ZNF280D: variants seen among roughly 807,000 people sequenced by gnomAD.
The protein encoded by ZNF280D is zinc finger protein 280D.
In ZNF280D, 39 loss-of-function variants were observed where a neutral mutation model predicts 94.7. That is an observed-to-expected ratio of 0.41 (90% confidence interval 0.32 to 0.54). The LOEUF (loss-of-function observed/expected upper bound fraction) is 0.54. ZNF280D is among the 20% of genes least tolerant of loss of function. ZNF280D has a pLI of 0.22. For synonymous variants in ZNF280D, 398 were observed against 377.6 expected, an observed-to-expected ratio of 1.05 and a Z score of -0.63; for missense variants, 1,090 against 1,149.3, an observed-to-expected ratio of 0.95 and a Z score of 0.75.
At chr15:56,695,533 CT>C (rs10652553) in intron 6 of ZNF280D, among the ~76,000 whole-genome samples, 11 of 140,742 alleles carry the variant, frequency 7.8e-5, no homozygotes, top group African/African-American at 2.6e-4. Context: ...CAAAAATTAA[CT>C]TTTTTTTTTT....
chr15:56,648,920 C>A (rs571110367), intron 19 of ZNF280D, among the ~76,000 whole-genome samples: 1 of 152,034 alleles, frequency 6.6e-6, no homozygotes, highest in Non-Finnish European at 1.5e-5. Context: ...TCCTTAGGAC[C>A]AGTTCTATTT....
chr15:56,651,428 A>G (rs1186901194), intron 19 of ZNF280D, among the ~76,000 whole-genome samples: 1 of 152,224 alleles, frequency 6.6e-6, no homozygotes, highest in Non-Finnish European at 1.5e-5. Context: ...ATTGCTTACA[A>G]TAAGCAAACT....
intron 1 of ZNF280D, among the ~76,000 whole-genome samples, chr15:56,707,692 A>G (rs1363107756): frequency 2.0e-5 from 3 of 152,138 alleles, no homozygotes; most frequent in African/African-American, 7.2e-5. Context: ...AGAAAACACA[A>G]TTTTAAACAA....
intron 1 of ZNF280D, among the ~76,000 whole-genome samples, chr15:56,709,869 T>A (rs11071286): frequency 0.93 from 141,731 of 152,136 alleles, 66,320 homozygotes; most frequent in Middle Eastern, 1. Context: ...TGGGTGGGGG[T>A]AGAGGGGAGG....
At chr15:56,693,878 A>G (rs2056569460) in intron 6 of ZNF280D, among the ~76,000 whole-genome samples, 1 of 152,180 alleles carries the variant, frequency 6.6e-6, no homozygotes, top group Non-Finnish European at 1.5e-5. Context: ...TGGGCCCCAC[A>G]CACTTTCCAT....
chr15:56,726,660 G>T (rs1430821542), intron 1 of ZNF280D, among the ~76,000 whole-genome samples: 2 of 152,102 alleles, frequency 1.3e-5, no homozygotes, highest in African/African-American at 4.8e-5. Context: ...CTGCCTAAAA[G>T]AATAATACAA....
In ZNF280D at chr15:56,700,504, G is replaced by GA. The variant is rs570464397; in HGVS notation, c.381+428dup. On this transcript the variant is annotated intron_variant, in intron 6 of 21. Transcript: ENST00000267807. The stretch of plus-strand genomic sequence containing the variant: ...AAAAAGTGGGAGTTTTTTGTAATAG[G>GA]AAAAAATGTTTGTTTTTTTTTAACT... The GA allele has an allele frequency of 1.3e-5, 13 of 1,007,068 alleles. No homozygotes were observed. The East Asian group carries it at 1.0e-3, about 81-fold the overall frequency. 62.4% of individuals were successfully genotyped at this position (1,007,068 alleles called of 1,614,324 possible).
intron 1 of ZNF280D, among the ~76,000 whole-genome samples, chr15:56,726,134 C>A (rs2058621568): frequency 6.6e-6 from 1 of 151,586 alleles, no homozygotes; most frequent in South Asian, 2.1e-4. Context: ...AACAAAAAAA[C>A]TTTAGAACAG....
chr15:56,688,219 A>T (rs1299344999), intron 9 of ZNF280D, among the ~76,000 whole-genome samples: 1 of 152,060 alleles, frequency 6.6e-6, no homozygotes, highest in East Asian at 1.9e-4. Context: ...TTGTACCAAT[A>T]AAAAGCTCAA....
At chr15:56,694,264 ATAT>A (rs765709198) in intron 6 of ZNF280D, among the ~76,000 whole-genome samples, 14 of 151,058 alleles carry the variant, frequency 9.3e-5, no homozygotes, top group Non-Finnish European at 1.8e-4. Context: ...ATACACTCCG[ATAT>A]TATTATACAT....
At chr15:56,715,146 A>G (rs2057973426) in intron 1 of ZNF280D, among the ~76,000 whole-genome samples, 1 of 152,188 alleles carries the variant, frequency 6.6e-6, no homozygotes, top group Non-Finnish European at 1.5e-5. Flanking sequence ...ACAGCCTATG[A>G]ACCAAAAAGT....
intron 1 of ZNF280D, among the ~76,000 whole-genome samples, chr15:56,719,458 T>C (rs2058228153): frequency 6.6e-6 from 1 of 152,154 alleles, no homozygotes; most frequent in Non-Finnish European, 1.5e-5. Context: ...CATGAGTGGA[T>C]GCAGCCTGAG....
Position 56,669,961 on chromosome 15 carries a change from AT to A in ZNF280D, c.1411-1005del, listed in dbSNP as rs56025747. Reference sequence around the variant, plus strand: ...TTATATATATATATTATATATATATATTATATATATATAATATATATATTAT... The same window carrying A: ...TTATATATATATATTATATATATATATATATATATATAATATATATATTAT... On this transcript the variant is annotated intron_variant, in intron 13 of 21. Transcript: ENST00000267807. Among the ~76,000 whole-genome samples the A allele has an allele frequency of 2.1e-3, 5 of 2,340 alleles. 1 individual carries two copies. The highest frequency in any genetic ancestry group is 8.3e-3 in the African/African-American group (4 of 484). The allele number at this position is 2,340 out of a possible 152,430, so 1.5% of individuals were successfully genotyped here. A position where few individuals can be genotyped will look rare whatever the true frequency, so the allele number is the denominator to read the frequency against.
intron 9 of ZNF280D, among the ~76,000 whole-genome samples, chr15:56,685,700 A>T (rs1045357759): frequency 7.2e-5 from 11 of 152,218 alleles, no homozygotes; most frequent in Admixed American, 1.3e-4. Context: ...GGAATAGAAG[A>T]CTAGTGGAGT....
At chr15:56,674,690 G>A (rs2055096660) in intron 13 of ZNF280D, among the ~76,000 whole-genome samples, 1 of 151,986 alleles carries the variant, frequency 6.6e-6, no homozygotes, top group South Asian at 2.1e-4. Context: ...ACAAGAAAAT[G>A]CATGTAAAGT....
At chr15:56,685,790 A>G (rs748703984) in intron 9 of ZNF280D, among the ~76,000 whole-genome samples, 4 of 152,236 alleles carry the variant, frequency 2.6e-5, no homozygotes, top group Non-Finnish European at 4.4e-5. Context: ...CACATAAAGC[A>G]ACCACATTGT....
chr15:56,696,316 G>A (rs2056744886), intron 6 of ZNF280D, among the ~76,000 whole-genome samples: 1 of 152,176 alleles, frequency 6.6e-6, no homozygotes, highest in South Asian at 2.1e-4. Flanking sequence ...ACAATTGTTT[G>A]TTTTAAACGT....
chr15:56,654,725 T>C lies in ZNF280D; in HGVS notation c.2058-222A>G, dbSNP rs2053429065. ...TTTACAGAAAGTATTTATTTTACACTTTTACCTGTCATACCAATTGTTAAA... is the reference window on the plus strand; with the variant it reads ...TTTACAGAAAGTATTTATTTTACACCTTTACCTGTCATACCAATTGTTAAA... On this transcript the variant is annotated intron_variant, in intron 17 of 21. Transcript: ENST00000267807. The C allele has an allele frequency of 1.5e-5, 9 of 583,972 alleles. 1 individual carries two copies. Among genetic ancestry groups the C allele is most frequent in the South Asian group, 1.4e-4 (9 of 65,100 alleles). The allele number at this position is 583,972 out of a possible 1,614,324, so 36.2% of individuals were successfully genotyped here. A position where few individuals can be genotyped will look rare whatever the true frequency, so the allele number is the denominator to read the frequency against.
At chr15:56,714,032 A>G (rs1346872390) in intron 1 of ZNF280D, among the ~76,000 whole-genome samples, 1 of 152,176 alleles carries the variant, frequency 6.6e-6, no homozygotes, top group Non-Finnish European at 1.5e-5. Context: ...TTTATAAGGA[A>G]ATTAGCTTAC....
Sources: allele counts gnomAD v4.1 joint callset (sites outside exome capture counted in the v4.1 genomes callset), GRCh38; gene constraint gnomAD v4.1.1; transcripts MANE v1.5; gene names NCBI Gene and HGNC (gene_info 2026-07-23, HGNC 2026-07-21).